Variants in GNG4 observed in about 807,000 individuals in gnomAD.
GNG4 encodes guanine nucleotide-binding protein G(I)/G(S)/G(O) subunit gamma-4.
Under a neutral mutation model 5.8 loss-of-function variants are expected in GNG4, and 4 were observed. The observed-to-expected ratio is 0.69, with a 90% CI of 0.34 to 1.57. The LOEUF (loss-of-function observed/expected upper bound fraction) is 1.57. Among genes scored for constraint, GNG4 ranks in the 40% most tolerant of loss-of-function variants. GNG4 has a pLI of 0.06. For synonymous variants in GNG4, 29 were observed against 32.9 expected, an observed-to-expected ratio of 0.88 and a Z score of 0.41; for missense variants, 96 against 95.1, an observed-to-expected ratio of 1.01 and a Z score of -0.04.
chr1:235,645,797 C>CAAAAAAAAAAAAAAAA (rs6143682), intron 1 of GNG4, among the ~76,000 whole-genome samples: 10 of 90,380 alleles, frequency 1.1e-4, no homozygotes, highest in African/African-American at 4.1e-4. Context: ...AACTCAGTCT[C>CAAAAAAAAAAAAAAAA]AAAAAAAAAA....
intron 3 of GNG4, among the ~76,000 whole-genome samples, chr1:235,553,449 C>A (rs1425676585): frequency 6.6e-6 from 1 of 152,114 alleles, no homozygotes; most frequent in Non-Finnish European, 1.5e-5. Context: ...ATGTCTAAAT[C>A]TTCCCCAGAA....
chr1:235,564,699 T>A (rs537202696), intron 3 of GNG4, among the ~76,000 whole-genome samples: 10 of 152,364 alleles, frequency 6.6e-5, no homozygotes, highest in South Asian at 2.1e-4. Flanking sequence ...TATTATTATT[T>A]TTTTTAGACA....
intron 3 of GNG4, among the ~76,000 whole-genome samples, chr1:235,579,419 A>AAC (rs71174443): frequency 6.0e-5 from 9 of 149,642 alleles, no homozygotes; most frequent in South Asian, 2.1e-4. Context: ...TAAAAAAAAA[A>AAC]AAGTAAATAC....
chr1:235,559,621 G>A (rs1002807737), intron 3 of GNG4, among the ~76,000 whole-genome samples: 10 of 152,200 alleles, frequency 6.6e-5, no homozygotes, highest in Non-Finnish European at 1.3e-4. Flanking sequence ...CTGTGGGTGG[G>A]TCCTAGGCCA....
intron 1 of GNG4, among the ~76,000 whole-genome samples, chr1:235,623,489 G>A (rs898474115): frequency 3.9e-5 from 6 of 152,164 alleles, no homozygotes; most frequent in Non-Finnish European, 8.8e-5. Context: ...TATGTGATTC[G>A]TGAGTCCTCA....
intron 1 of GNG4, among the ~76,000 whole-genome samples, chr1:235,620,532 G>A (rs1688687838): frequency 6.6e-6 from 1 of 152,028 alleles, no homozygotes; most frequent in African/African-American, 2.4e-5. Context: ...CAGTTTGTTT[G>A]TTTGTTTGTT....
upstream of GNG4, chr1:235,650,565 G>A (rs1000686281): frequency 1.3e-5 from 2 of 152,368 alleles, no homozygotes; most frequent in Non-Finnish European, 1.5e-5. Flanking sequence ...GAATTCGCGC[G>A]GCCGCGTCGC....
chr1:235,636,126 A>C (rs1689030426), intron 1 of GNG4, among the ~76,000 whole-genome samples: 1 of 152,154 alleles, frequency 6.6e-6, no homozygotes, highest in Admixed American at 6.5e-5. Flanking sequence ...CTCTCTGTAG[A>C]GGGAGAATAT....
At chr1:235,573,955 A>G (rs561913131) in intron 3 of GNG4, among the ~76,000 whole-genome samples, 7 of 152,354 alleles carry the variant, frequency 4.6e-5, no homozygotes, top group South Asian at 4.1e-4. Flanking sequence ...ATATCAGGTT[A>G]TAAAAAAGCA....
Position 235,644,595 on chromosome 1 carries a change from C to T in GNG4, c.-123+5067G>A, listed in dbSNP as rs903249888. Among the ~76,000 whole-genome samples the T allele has an allele frequency of 7.2e-5, 11 of 152,212 alleles. No homozygotes were observed. Among genetic ancestry groups the T allele is most frequent in the Non-Finnish European group, 1.3e-4 (9 of 68,030 alleles). On this transcript the variant is annotated intron_variant, in intron 1 of 3. Transcript: ENST00000391854. This position sits in a 1 kb window ranked among gnomAD's most constrained non-coding sequence, Gnocchi z 5.9. ...GCCCCACAGCTGCCGGGGGGATAAA[C>T]AAGCACCTTCAGACTAGAGCAGCTT...
chr1:235,569,850 G>A (rs1687291513), intron 3 of GNG4, among the ~76,000 whole-genome samples: 1 of 152,126 alleles, frequency 6.6e-6, no homozygotes, highest in Non-Finnish European at 1.5e-5. Flanking sequence ...ACAGGTGCGA[G>A]CCACTGCGCC....
At chr1:235,577,929 G>A (rs1394025665) in intron 3 of GNG4, among the ~76,000 whole-genome samples, 2 of 152,038 alleles carry the variant, frequency 1.3e-5, no homozygotes, top group African/African-American at 4.8e-5. Flanking sequence ...CCTTTCCCTG[G>A]TGACTTCCTC....
chr1:235,586,449 T>C (rs1687762138), intron 2 of GNG4, among the ~76,000 whole-genome samples: 1 of 152,176 alleles, frequency 6.6e-6, no homozygotes, highest in Non-Finnish European at 1.5e-5. Context: ...GGAGACACAG[T>C]CTAGTTCCCA....
intron 1 of GNG4, among the ~76,000 whole-genome samples, chr1:235,622,451 C>T (rs1688730007): frequency 6.6e-6 from 1 of 152,178 alleles, no homozygotes; most frequent in Non-Finnish European, 1.5e-5. Context: ...CGGTAGCTCA[C>T]ACCTGTAATC....
chr1:235,568,793 C>CTTTTTTTTTT (rs10625498), intron 3 of GNG4, among the ~76,000 whole-genome samples: 1 of 144,582 alleles, frequency 6.9e-6, no homozygotes, highest in Non-Finnish European at 1.5e-5. Flanking sequence ...TTTTTCTTTC[C>CTTTTTTTTTT]TTTTTTTTTT....
intron 1 of GNG4, among the ~76,000 whole-genome samples, chr1:235,639,997 G>A (rs376954404): frequency 2.7e-4 from 41 of 152,300 alleles, no homozygotes; most frequent in African/African-American, 6.7e-4. Context: ...CAGAGCTGCC[G>A]TTGCTGCTGT....
chr1:235,631,725 G>A (rs187533010), intron 1 of GNG4, among the ~76,000 whole-genome samples: 5 of 151,318 alleles, frequency 3.3e-5, no homozygotes, highest in Admixed American at 6.6e-5. Context: ...ATGCCACCAC[G>A]CCCAGCCAAT....
chr1:235,589,446 G>T (rs1190497006), intron 2 of GNG4, among the ~76,000 whole-genome samples: 2 of 150,910 alleles, frequency 1.3e-5, no homozygotes, highest in Non-Finnish European at 2.9e-5. Flanking sequence ...CGGACAGTGT[G>T]AGAGAGCTGG....
At chr1:235,621,487 G>A (rs1688710600) in intron 1 of GNG4, among the ~76,000 whole-genome samples, 1 of 150,822 alleles carries the variant, frequency 6.6e-6, no homozygotes, top group South Asian at 2.1e-4. Flanking sequence ...TAGAGATGGG[G>A]TTTCACCATT....
Sources: gnomAD v4.1 joint callset for allele counts (sites outside exome capture counted in the v4.1 genomes callset) on GRCh38, gnomAD v4.1.1 for gene constraint, Gnocchi (gnomAD v3.1) non-coding constraint, MANE v1.5 for transcripts, NCBI Gene and HGNC (gene_info 2026-07-23, HGNC 2026-07-21) for gene names.